The following MPP1 variants were observed in gnomAD, a reference collection of about 807,000 sequenced individuals.
MPP1 encodes MAGUK p55 scaffold protein 1.
MPP1 carries 6 observed loss-of-function variants against 38.2 expected under a neutral mutation model. The ratio of observed to expected loss-of-function variants is 0.16; its 90% CI spans 0.09 to 0.31. The LOEUF (loss-of-function observed/expected upper bound fraction) is 0.31. Among genes scored for constraint, MPP1 ranks in the 10% least tolerant of loss-of-function variants. The pLI is 1.00. For missense variants in MPP1, 293 were observed against 368.9 expected (o/e 0.79, Z 1.69); for synonymous variants, 153 against 146.3 (o/e 1.05, Z -0.33).
rs782140800 is a variant in MPP1, at chrX:154,805,311, G to A, written c.63C>T (p.Leu21=). ...GCTTCTGCAGCAAATGCTCCAGGTA[G>A]AGGTCGGAGAGCGCCGTGTGCATGC... ...GGSMHTALSD[L]YLEHLLQKRS... The change falls in exon 1 of 12, where the codon CTC becomes CTT. Residue 21 remains leucine, a synonymous_variant. Coordinates refer to ENST00000369534, the MANE Select transcript of MPP1 (RefSeq NM_002436.4). 8 of 1,207,310 alleles carry A rather than the reference G, an allele frequency of 6.6e-6. No homozygotes were observed. The South Asian group carries it at 1.4e-4, about 22-fold the overall frequency.
intron 8 of MPP1, 23 bp from the exon 9 acceptor site, chrX:154,783,530 C>A (rs2072033819): frequency 2.6e-6 from 3 of 1,163,179 alleles, no homozygotes; most frequent in Admixed American, 2.2e-5. Flanking sequence ...AGAAGAACAT[C>A]TTTTGGAAAG....
chrX:154,786,689 A>T (rs1330770193), intron 5 of MPP1, among the ~76,000 whole-genome samples: 8 of 110,404 alleles, frequency 7.2e-5, no homozygotes, highest in Admixed American at 2.9e-4. Context: ...TGAGGCTAGG[A>T]GTTGGAGACC....
chrX:154,783,741 G>A, intron 8 of MPP1: 1 of 430,694 alleles, frequency 2.3e-6, no homozygotes. Context: ...CACTGCTTGG[G>A]GGAAGGGAGA....
At chrX:154,797,447 G>C (rs982706115) in intron 1 of MPP1, among the ~76,000 whole-genome samples, 5 of 112,160 alleles carry the variant, frequency 4.5e-5, no homozygotes, top group African/African-American at 1.6e-4. Context: ...TCTCAGTAAA[G>C]ACTATGTGGT....
intron 5 of MPP1, among the ~76,000 whole-genome samples, chrX:154,787,908 A>C (rs1557267389): frequency 8.9e-6 from 1 of 112,834 alleles, no homozygotes; most frequent in Non-Finnish European, 1.9e-5. Context: ...CCAAAAGAAA[A>C]GAATAAAAAG....
At chrX:154,792,955 G>T (rs1250214537) in intron 1 of MPP1, among the ~76,000 whole-genome samples, 10 of 111,355 alleles carry the variant, frequency 9.0e-5, no homozygotes, top group Admixed American at 8.6e-4. Flanking sequence ...AGGCAGCAAG[G>T]CCTCTTTATT....
chrX:154,799,858 AG>A (rs2072242604), intron 1 of MPP1: 13 of 1,138,306 alleles, frequency 1.1e-5, no homozygotes, highest in Non-Finnish European at 1.5e-5. Flanking sequence ...CATCTGCAGC[AG>A]GGTTCAAAGG....
At chrX:154,804,788 A>G (rs1032085703) in intron 1 of MPP1, 4 of 341,099 alleles carry the variant, frequency 1.2e-5, no homozygotes, top group Non-Finnish European at 2.3e-5. Flanking sequence ...GCAAATATAC[A>G]CTGGCCACCC....
At chrX:154,795,362 G>A (rs1490479437) in intron 1 of MPP1, among the ~76,000 whole-genome samples, 1 of 111,419 alleles carries the variant, frequency 9.0e-6, no homozygotes, top group African/African-American at 3.3e-5. Context: ...AGGTTCTGAG[G>A]GTGATCTTGA....
rs148406718 is a variant in MPP1 at position 154,782,323 on chromosome X, T to A, written c.947-521A>T. 814 of 112,750 alleles carry A rather than the reference T, an allele frequency of 7.2e-3. 9 individuals carry two copies. Among genetic ancestry groups the A allele is most frequent in the African/African-American group, 0.025 (760 of 30,780 alleles). 9.3% of individuals were successfully genotyped at this position (112,750 alleles called of 1,213,427 possible). ...CCAGATATTGTAGCTTGAAACACAATCCTCCCAACCTCCCCTCTTTCCATC... is the reference window on the plus strand; with the variant it reads ...CCAGATATTGTAGCTTGAAACACAAACCTCCCAACCTCCCCTCTTTCCATC... On this transcript the variant is annotated intron_variant, in intron 9 of 11. Coordinates refer to ENST00000369534, the MANE Select transcript of MPP1 (RefSeq NM_002436.4).
rs1557267078 is a variant in MPP1 at position 154,785,129 on chromosome X, G to A, written c.706C>T (p.Pro236Ser). The A allele has an allele frequency of 3.3e-6, 4 of 1,206,725 alleles. No individual in the cohort carries two copies. The Admixed American group carries it at 8.7e-5, about 26-fold the overall frequency. ...WRVASMAQSA[P>S]SEAPSCSPFG... ...GGACTGCAGCTCGGGGCTTCGCTAG[G>A]AGCTGACTGAGCCATACTTGCCACT... is the stretch of plus-strand genomic sequence containing the variant. The change falls in exon 7 of 12, where the codon CCT becomes TCT. Residue 236 changes from proline to serine, a missense_variant. By Grantham distance (74) the Pro-to-Ser change is moderately conservative (BLOSUM62 -1). Transcript: ENST00000369534.
chrX:154,790,730 G>T (rs187124619), intron 4 of MPP1, among the ~76,000 whole-genome samples: 119 of 111,796 alleles, frequency 1.1e-3, no homozygotes, highest in African/African-American at 3.7e-3. Flanking sequence ...ATACGTTATA[G>T]CTTGCTTTAC....
chrX:154,789,747 A>G (rs186769303), intron 5 of MPP1, among the ~76,000 whole-genome samples: 35 of 111,120 alleles, frequency 3.1e-4, no homozygotes, highest in African/African-American at 9.8e-4. Context: ...TGTCGTCACT[A>G]TGTTCTCCAT....
At chrX:154,787,607 C>T (rs2072093875) in intron 5 of MPP1, among the ~76,000 whole-genome samples, 1 of 111,941 alleles carries the variant, frequency 8.9e-6, no homozygotes, top group Non-Finnish European at 1.9e-5. Flanking sequence ...CTACATCCAA[C>T]GTCATACTTC....
At chrX:154,790,111 C>G (rs781896280) in intron 4 of MPP1, 89 bp from the exon 5 acceptor site, 3 of 553,436 alleles carry the variant, frequency 5.4e-6, no homozygotes, top group Non-Finnish European at 8.6e-6. Context: ...TTTTCCCCAA[C>G]AACCATCTTT....
At position 154,779,131 on chromosome X, in the gene MPP1, C is replaced by T. The variant is rs2071956268; in HGVS notation, c.*46G>A. ...TCTTAAAGCAAGGCGGGTGGAATTC[C>T]AAATGCTGGAGAGGGGCATACAGTG... On this transcript the variant is annotated 3_prime_UTR_variant, in exon 12 of 12. Transcript: ENST00000369534. 2.6e-6 allele frequency: 3 copies of T among 1,154,658 alleles called. No homozygotes were observed. The highest frequency in any genetic ancestry group is 1.2e-6 in the Non-Finnish European group (1 of 860,336).
intron 1 of MPP1, chrX:154,804,845 G>T (rs1557268998): frequency 2.9e-6 from 1 of 345,348 alleles, no homozygotes; most frequent in Non-Finnish European, 5.8e-6. Flanking sequence ...AAGAGGAACA[G>T]TGAGTGAGCT....
intron 1 of MPP1, among the ~76,000 whole-genome samples, chrX:154,793,845 C>T (rs2072168266): frequency 1.8e-5 from 2 of 111,795 alleles, no homozygotes; most frequent in Non-Finnish European, 3.8e-5. Flanking sequence ...TATTTCTTCC[C>T]CAGTCCAGAA....
intron 1 of MPP1, chrX:154,804,817 A>C: frequency 2.9e-6 from 1 of 344,282 alleles, no homozygotes; most frequent in South Asian, 2.6e-5. Flanking sequence ...CCATAGCACA[A>C]GGGGACCTGC....
Sources: allele counts gnomAD v4.1 joint callset (sites outside exome capture counted in the v4.1 genomes callset), GRCh38; gene constraint gnomAD v4.1.1; transcripts MANE v1.5; gene names NCBI Gene and HGNC (gene_info 2026-07-23, HGNC 2026-07-21).